The following PRSS23 variants were observed in gnomAD, a reference collection of about 807,000 sequenced individuals.
The protein encoded by PRSS23 is protease, serine 23.
In PRSS23, 25 loss-of-function variants were observed where a neutral mutation model predicts 34.7. That is an observed-to-expected ratio of 0.72 (90% CI 0.53 to 1.01). PRSS23 has a LOEUF of 1.01. Among genes scored for constraint, PRSS23 ranks in the 50% least tolerant of loss-of-function variants. The probability of loss-of-function intolerance (pLI) is 0.00; values close to 1 mark genes in which losing one functional copy is unlikely to be tolerated. For missense variants in PRSS23, 445 were observed against 475.6 expected (o/e 0.94, Z 0.60); for synonymous variants, 176 against 186.6 (o/e 0.94, Z 0.46).
downstream of PRSS23, among the ~76,000 whole-genome samples, chr11:86,813,936 T>A (rs949812529): frequency 6.6e-6 from 1 of 152,184 alleles, no homozygotes; most frequent in Non-Finnish European, 1.5e-5. Context: ...AGTGGTCATA[T>A]CTGGAAGAGT....
chr11:86,842,532 A>T (rs1230234904), intron 2 of PRSS23, among the ~76,000 whole-genome samples: 1 of 152,246 alleles, frequency 6.6e-6, no homozygotes, highest in Non-Finnish European at 1.5e-5. Context: ...AGAAAACCCC[A>T]TTGTCTCAGC....
chr11:86,887,413 CAAA>C (rs11325675), intron 2 of PRSS23, among the ~76,000 whole-genome samples: 1 of 138,190 alleles, frequency 7.2e-6, no homozygotes. Context: ...CAAAACAAAA[CAAA>C]AAAAAAAAAA....
In PRSS23 at chr11:86,828,861, T is replaced by A. The variant is rs571274115; in HGVS notation, c.206+5268T>A. On this transcript the variant is annotated intron_variant, in intron 2 of 2. Transcript: ENST00000533902. The stretch of plus-strand genomic sequence containing the variant: ...GGCTTGTAGAGTTTCTGCCGAGAGA[T>A]CCGCTGTTAGTCTGATGGGCTTCCG... 7.6e-4 allele frequency among the ~76,000 whole-genome samples: 116 copies of A among 152,324 alleles called. 3 individuals are homozygous for A. The highest frequency in any genetic ancestry group is 6.8e-3 in the Middle Eastern group (2 of 294).
chr11:86,949,583 G>T (rs1371408958), intron 2 of PRSS23: 1 of 152,630 alleles, frequency 6.6e-6, no homozygotes. Flanking sequence ...CTAAGGCAAG[G>T]TAAGAGAAAG....
intron 1 of PRSS23, among the ~76,000 whole-genome samples, chr11:86,802,735 A>G (rs1162429576): frequency 6.6e-6 from 1 of 152,236 alleles, no homozygotes; most frequent in Non-Finnish European, 1.5e-5. Flanking sequence ...GAGTTAAATC[A>G]TTCTCTCAAA....
At chr11:86,839,066 A>C (rs557818140) in intron 2 of PRSS23, among the ~76,000 whole-genome samples, 16 of 151,684 alleles carry the variant, frequency 1.1e-4, no homozygotes, top group Non-Finnish European at 1.5e-4. Context: ...TAAAAAAAAA[A>C]AACAACAGAG....
chr11:86,902,491 C>T (rs1442230409), intron 2 of PRSS23, among the ~76,000 whole-genome samples: 6 of 152,148 alleles, frequency 3.9e-5, no homozygotes, highest in Non-Finnish European at 8.8e-5. Context: ...TCTGTCAGAC[C>T]AAGACTTCTG....
At chr11:86,926,219 C>T (rs1303259068) in intron 2 of PRSS23, among the ~76,000 whole-genome samples, 4 of 151,998 alleles carry the variant, frequency 2.6e-5, no homozygotes, top group South Asian at 4.2e-4. Flanking sequence ...AAAAATTAGC[C>T]GGGCGTGGTG....
intron 2 of PRSS23, among the ~76,000 whole-genome samples, chr11:86,908,352 T>C (rs2134990924): frequency 6.6e-6 from 1 of 152,330 alleles, no homozygotes; most frequent in African/African-American, 2.4e-5. Flanking sequence ...TTTTTAATAA[T>C]CAAAATATGT....
chr11:86,881,464 A>G (rs1308721613), intron 2 of PRSS23, among the ~76,000 whole-genome samples: 6 of 151,974 alleles, frequency 3.9e-5, no homozygotes, highest in Non-Finnish European at 8.8e-5. Flanking sequence ...GTCTTGGTGT[A>G]TATTTTTTTT....
At chr11:86,812,651 G>C (rs2135606701), downstream of PRSS23, among the ~76,000 whole-genome samples, 1 of 152,152 alleles carries the variant, frequency 6.6e-6, no homozygotes, top group Middle Eastern at 3.4e-3. Context: ...GGCCGGGCAT[G>C]GTGGCGCATG....
chr11:86,951,135 A>G, intron 2 of PRSS23: 2 of 1,613,610 alleles, frequency 1.2e-6, no homozygotes, highest in Admixed American at 1.7e-5. Context: ...ATGGAGGCTG[A>G]CTAGCCTTAT....
At position 86,897,840 on chromosome 11, in the gene PRSS23, CG is replaced by C. The variant is rs1396642807; in HGVS notation, c.207-53375del. ...CAGAATGGTTTTACCTTGCTCTTTGCGCTCAGCATCTCCTTTTTCTTATTTC... is the reference window on the plus strand; with the variant it reads ...CAGAATGGTTTTACCTTGCTCTTTGCCTCAGCATCTCCTTTTTCTTATTTC... On this transcript the variant is annotated intron_variant, in intron 2 of 2. Coordinates refer to the PRSS23 transcript ENST00000533902. Among the ~76,000 whole-genome samples the C allele has an allele frequency of 3.9e-5, 6 of 152,290 alleles. No homozygotes were observed. The South Asian group carries it at 1.0e-3, about 26-fold the overall frequency.
At chr11:86,833,247 G>A (rs560671077) in intron 2 of PRSS23, 60 of 1,574,400 alleles carry the variant, frequency 3.8e-5, no homozygotes, top group Admixed American at 1.8e-4. Flanking sequence ...AGGTGAAACC[G>A]ATGTCAGCCA....
upstream of PRSS23, chr11:86,800,379 G>C: frequency 3.3e-6 from 3 of 917,138 alleles, no homozygotes; most frequent in Non-Finnish European, 3.9e-6. Context: ...GCTCCACCCT[G>C]CTCCGGCCGC....
chr11:86,891,531 A>G (rs1017271550), intron 2 of PRSS23, among the ~76,000 whole-genome samples: 3 of 152,158 alleles, frequency 2.0e-5, no homozygotes, highest in South Asian at 2.1e-4. Flanking sequence ...TTGGGGAGTC[A>G]TTAGCTCAGG....
chr11:86,858,784 G>A (rs1445726178), intron 2 of PRSS23, among the ~76,000 whole-genome samples: 1 of 151,564 alleles, frequency 6.6e-6, no homozygotes, highest in Non-Finnish European at 1.5e-5. Context: ...TCCCAATATC[G>A]CAGAGGGTGT....
chr11:86,860,079 A>G (rs1027536140), intron 2 of PRSS23, among the ~76,000 whole-genome samples: 2 of 151,936 alleles, frequency 1.3e-5, no homozygotes, highest in South Asian at 2.1e-4. Flanking sequence ...CCCCTGTGAT[A>G]TTGTTCCTAA....
chr11:86,886,898 C>T (rs752200064), intron 2 of PRSS23, among the ~76,000 whole-genome samples: 65 of 152,050 alleles, frequency 4.3e-4, no homozygotes, highest in Non-Finnish European at 7.1e-4. Flanking sequence ...GCTGAGATCG[C>T]GCCACTGCCC....
Sources: allele counts gnomAD v4.1 joint callset (sites outside exome capture counted in the v4.1 genomes callset), GRCh38; gene constraint gnomAD v4.1.1; transcripts MANE v1.5; gene names NCBI Gene and HGNC (gene_info 2026-07-23, HGNC 2026-07-21).